Variants in MAD1L1 observed in about 807,000 individuals in gnomAD.
MAD1L1 encodes mitotic arrest deficient 1 like 1.
MAD1L1 carries 95 observed loss-of-function variants against 96.9 expected under a neutral mutation model. The observed-to-expected ratio is 0.98, with a 90% CI of 0.83 to 1.16. The LOEUF (loss-of-function observed/expected upper bound fraction) is 1.16, where lower values mean the gene tolerates loss of function less well. MAD1L1 is among the 50% of genes most tolerant of loss of function. The pLI is 0.00. For synonymous variants in MAD1L1, 473 were observed against 396.6 expected, an observed-to-expected ratio of 1.19 and a Z score of -2.29; for missense variants, 1,007 against 954.4, an observed-to-expected ratio of 1.06 and a Z score of -0.73.
At chr7:1,933,649 G>A (rs1274567642) in intron 17 of MAD1L1, among the ~76,000 whole-genome samples, 1 of 152,182 alleles carries the variant, frequency 6.6e-6, no homozygotes, top group Non-Finnish European at 1.5e-5. Context: ...TTTCTAAGAG[G>A]CTCCCAGGGA....
At chr7:2,217,893 G>A in intron 7 of MAD1L1, 69 bp downstream of exon 7, 2 of 1,343,622 alleles carry the variant, frequency 1.5e-6, no homozygotes, top group East Asian at 2.3e-5. Flanking sequence ...GCGCAGAAAG[G>A]CCGACAGGGG....
At chr7:2,217,132 C>T (rs1476203733) in intron 7 of MAD1L1, among the ~76,000 whole-genome samples, 1 of 152,250 alleles carries the variant, frequency 6.6e-6, no homozygotes, top group Non-Finnish European at 1.5e-5. Flanking sequence ...ACTTCTGCCA[C>T]TCTAGCAGCA....
chr7:1,905,933 C>G (rs1217099234), intron 17 of MAD1L1, among the ~76,000 whole-genome samples: 2 of 151,838 alleles, frequency 1.3e-5, no homozygotes, highest in Non-Finnish European at 2.9e-5. Flanking sequence ...ATCTGTAATC[C>G]CAGCTACTCG....
intron 13 of MAD1L1, among the ~76,000 whole-genome samples, chr7:2,005,620 C>G (rs1374958349): frequency 1.3e-5 from 2 of 152,044 alleles, no homozygotes; most frequent in African/African-American, 2.4e-5. Flanking sequence ...GGACAACATA[C>G]AGAGATCCTG....
intron 18 of MAD1L1, among the ~76,000 whole-genome samples, chr7:1,877,970 T>C (rs1310167883): frequency 3.3e-5 from 5 of 152,138 alleles, no homozygotes; most frequent in Non-Finnish European, 7.3e-5. Flanking sequence ...AGATGATATG[T>C]ATTGCCAAAA....
intron 11 of MAD1L1, among the ~76,000 whole-genome samples, chr7:2,113,416 C>A (rs1232932391): frequency 6.6e-6 from 1 of 152,048 alleles, no homozygotes; most frequent in Non-Finnish European, 1.5e-5. Flanking sequence ...CCCCTCTCTA[C>A]TAAAAATACA....
At chr7:2,100,021 C>T (rs1419926363) in intron 11 of MAD1L1, among the ~76,000 whole-genome samples, 1 of 152,254 alleles carries the variant, frequency 6.6e-6, no homozygotes, top group East Asian at 1.9e-4. Flanking sequence ...ATTCCTTACA[C>T]TTCGCCCCCA....
chr7:1,986,565 C>CGCGCCGGCAAGGGGGTTCT (rs1447081383), intron 14 of MAD1L1, among the ~76,000 whole-genome samples: 38 of 152,090 alleles, frequency 2.5e-4, no homozygotes, highest in Non-Finnish European at 4.0e-4. Context: ...GCGGCTCCCT[C>CGCGCCGGCAAGGGGGTTCT]ATGGAGCTGC....
intron 15 of MAD1L1, among the ~76,000 whole-genome samples, chr7:1,960,883 C>T (rs1779925066): frequency 1.3e-5 from 2 of 152,140 alleles, no homozygotes; most frequent in Non-Finnish European, 2.9e-5. Context: ...AGACCTCATG[C>T]TAAACCATAA....
chr7:2,198,989 G>A (rs900574194), intron 10 of MAD1L1, among the ~76,000 whole-genome samples: 2 of 152,220 alleles, frequency 1.3e-5, no homozygotes, highest in Non-Finnish European at 2.9e-5. Context: ...AGGTCAGGCA[G>A]TGGGATCCCC....
chr7:2,020,257 G>C (rs568920227), intron 12 of MAD1L1, among the ~76,000 whole-genome samples: 22 of 152,174 alleles, frequency 1.4e-4, no homozygotes, highest in Non-Finnish European at 2.5e-4. Context: ...CCATGATCGG[G>C]GGGGGCACTA....
chr7:1,838,533 G>A (rs1377423163), intron 18 of MAD1L1: 3 of 342,216 alleles, frequency 8.8e-6, no homozygotes, highest in Non-Finnish European at 1.8e-5. Flanking sequence ...GGTCCAATGT[G>A]AGCGAACCGT....
intron 10 of MAD1L1, among the ~76,000 whole-genome samples, chr7:2,152,379 G>A (rs1789621678): frequency 6.6e-6 from 1 of 152,224 alleles, no homozygotes; most frequent in Non-Finnish European, 1.5e-5. Context: ...GGGCACAGGG[G>A]CACCAGAAGG....
At chr7:1,952,914 T>C (rs1779565787) in intron 16 of MAD1L1, among the ~76,000 whole-genome samples, 1 of 152,160 alleles carries the variant, frequency 6.6e-6, no homozygotes, top group Admixed American at 6.5e-5. Context: ...CTGAGGAGGT[T>C]GGCTCAGAGC....
intron 11 of MAD1L1, among the ~76,000 whole-genome samples, chr7:2,104,057 A>G (rs1050225606): frequency 2.6e-5 from 4 of 152,230 alleles, no homozygotes; most frequent in African/African-American, 7.2e-5. Context: ...GTGGCAGATA[A>G]GTAATGATCA....
intron 11 of MAD1L1, among the ~76,000 whole-genome samples, chr7:2,095,273 T>A (rs1786426722): frequency 6.6e-6 from 1 of 152,172 alleles, no homozygotes; most frequent in Admixed American, 6.5e-5. Context: ...CTCGATCTCT[T>A]GACCTCGTGA....
intron 18 of MAD1L1, among the ~76,000 whole-genome samples, chr7:1,885,424 G>A (rs996706895): frequency 1.3e-5 from 2 of 152,236 alleles, no homozygotes; most frequent in Non-Finnish European, 2.9e-5. Flanking sequence ...TCACAGCAGT[G>A]AGCACCAGGC....
At chr7:1,924,180 C>T (rs142582525) in intron 17 of MAD1L1, among the ~76,000 whole-genome samples, 1 of 152,216 alleles carries the variant, frequency 6.6e-6, no homozygotes, top group Admixed American at 6.5e-5. Context: ...TTGGAAAACA[C>T]AGACTTAACT....
At chr7:1,876,977 G>C (rs118086423) in intron 18 of MAD1L1, among the ~76,000 whole-genome samples, 3 of 136,632 alleles carry the variant, frequency 2.2e-5, no homozygotes, top group African/African-American at 7.8e-5. Flanking sequence ...TACAGTTCAC[G>C]TATTTAAATA....
Sources: allele counts gnomAD v4.1 joint callset (sites outside exome capture counted in the v4.1 genomes callset), GRCh38; gene constraint gnomAD v4.1.1; transcripts MANE v1.5; gene names NCBI Gene and HGNC (gene_info 2026-07-23, HGNC 2026-07-21).